PPP4R1: variants seen among roughly 807,000 people sequenced by gnomAD.
PPP4R1 encodes the protein serine/threonine-protein phosphatase 4 regulatory subunit 1.
PPP4R1 carries 42 observed loss-of-function variants against 111.2 expected under a neutral mutation model. That is an observed-to-expected ratio of 0.38 (90% CI 0.29 to 0.49). The LOEUF is 0.49. PPP4R1 is among the 20% of genes least tolerant of loss of function. PPP4R1 has a pLI of 0.97. For synonymous variants in PPP4R1, 409 were observed against 405.5 expected, an observed-to-expected ratio of 1.01 and a Z score of -0.10; for missense variants, 1,012 against 1,161.6, an observed-to-expected ratio of 0.87 and a Z score of 1.87.
chr18:9,606,226 GTTACAGACC>G (rs1436106461), intron 2 of PPP4R1, among the ~76,000 whole-genome samples: 2 of 152,186 alleles, frequency 1.3e-5, no homozygotes, highest in African/African-American at 4.8e-5. Flanking sequence ...GAATAAAAAT[GTTACAGACC>G]TTGGATTTTA....
chr18:9,612,172 G>A (rs899160851), intron 2 of PPP4R1, among the ~76,000 whole-genome samples: 6 of 152,230 alleles, frequency 3.9e-5, no homozygotes, highest in African/African-American at 1.4e-4. Flanking sequence ...CTGTTTACCA[G>A]GAATTGTTCC....
At position 9,583,257 on chromosome 18, in the gene PPP4R1, G is replaced by C; in HGVS notation, c.778C>G (p.Leu260Val). 2 of 1,580,592 alleles carry C rather than the reference G, an allele frequency of 1.3e-6. No individual in the cohort carries two copies. Among genetic ancestry groups the C allele is most frequent in the Non-Finnish European group, 1.7e-6 (2 of 1,159,222 alleles). Residue 260 changes from leucine (L) to valine (V), a missense_variant, in exon 9 of 20, where the codon CTT (leucine) becomes GTT (valine). Physicochemically the swap from Leu to Val is conservative, Grantham distance 32. Coordinates refer to ENST00000400556, the MANE Select transcript of PPP4R1 (RefSeq NM_001042388.3). ...EEMLLPRFFQ[L>V]CSDNVWGVRK... Reference sequence around the variant, plus strand: ...ACTCCCCATACATTATCAGAACAAAGCTGGAAAAATCTGGGCAGCTATGTG... The same window carrying C: ...ACTCCCCATACATTATCAGAACAAACCTGGAAAAATCTGGGCAGCTATGTG...
At chr18:9,549,418 G>C in intron 18 of PPP4R1, 80 bp from the exon 19 acceptor site, 2 of 1,511,164 alleles carry the variant, frequency 1.3e-6, no homozygotes, top group Admixed American at 1.9e-5. Flanking sequence ...AAATCTCTGA[G>C]TGACCACAGG....
chr18:9,581,218 G>A (rs1389121233), intron 9 of PPP4R1, among the ~76,000 whole-genome samples: 3 of 150,220 alleles, frequency 2.0e-5, no homozygotes, highest in African/African-American at 4.9e-5. Context: ...ACAGGCAACA[G>A]AAACTGATTG....
chr18:9,556,440 G>A (rs1048966456), intron 15 of PPP4R1, among the ~76,000 whole-genome samples: 6 of 151,944 alleles, frequency 3.9e-5, no homozygotes, highest in East Asian at 2.0e-4. Flanking sequence ...TGATCTGCCC[G>A]CCTCAGCCTC....
chr18:9,581,061 C>G (rs980052093), intron 9 of PPP4R1, among the ~76,000 whole-genome samples: 1 of 151,974 alleles, frequency 6.6e-6, no homozygotes, highest in African/African-American at 2.4e-5. Context: ...AGTCACTAAA[C>G]AAGCAAATAA....
chr18:9,570,394 C>T lies in PPP4R1; in HGVS notation c.1336G>A (p.Ala446Thr), dbSNP rs1315022231. ...PEVGTTSQDS[A>T]LLDQELYNSF... ...TTATACAATTCCTGATCTAAGAGAG[C>T]TGAATCTTGTGAAGTGGTGCCAACC... Residue 446 changes from alanine to threonine, a missense_variant, in exon 11 of 20, where the codon GCT becomes ACT. By Grantham distance (58) the Ala-to-Thr change is moderately conservative. Coordinates refer to ENST00000400556, the MANE Select transcript of PPP4R1 (RefSeq NM_001042388.3). The T allele has an allele frequency of 6.2e-7, 1 of 1,613,872 alleles. No individual in the cohort carries two copies. The highest frequency in any genetic ancestry group is 2.2e-5 in the East Asian group (1 of 44,880).
chr18:9,577,342 CT>C, intron 9 of PPP4R1, 151 bp from the exon 10 acceptor site: 1 of 953,808 alleles, frequency 1.0e-6, no homozygotes, highest in Non-Finnish European at 1.5e-6. Context: ...AGATTCAGAA[CT>C]TTAGCTAGGA....
At chr18:9,561,446 G>GA (rs2066675944) in intron 13 of PPP4R1, among the ~76,000 whole-genome samples, 1 of 152,038 alleles carries the variant, frequency 6.6e-6, no homozygotes, top group Admixed American at 6.6e-5. Context: ...GTGCTCACAG[G>GA]AGAGGTCACC....
chr18:9,592,551 GA>G (rs749169155), intron 4 of PPP4R1, among the ~76,000 whole-genome samples: 1 of 152,024 alleles, frequency 6.6e-6, no homozygotes, highest in Non-Finnish European at 1.5e-5. Flanking sequence ...ATTTAATCTA[GA>G]ACCTGGTATA....
intron 2 of PPP4R1, among the ~76,000 whole-genome samples, chr18:9,597,344 G>C (rs1356804214): frequency 6.6e-6 from 1 of 152,310 alleles, no homozygotes; most frequent in South Asian, 2.1e-4. Flanking sequence ...AGGAGACAGA[G>C]TTGAGAATTC....
At chr18:9,602,917 A>T (rs1347310442) in intron 2 of PPP4R1, among the ~76,000 whole-genome samples, 1 of 152,250 alleles carries the variant, frequency 6.6e-6, no homozygotes, top group Non-Finnish European at 1.5e-5. Flanking sequence ...ATCTGGATTC[A>T]AATCCCATTT....
Position 9,550,329 on chromosome 18 carries a change from C to G in PPP4R1, c.2361G>C (p.Leu787=). The G allele has an allele frequency of 6.2e-7, 1 of 1,613,550 alleles. No individual in the cohort carries two copies. The highest frequency in any genetic ancestry group is 8.5e-7 in the Non-Finnish European group (1 of 1,179,492). ...AAGAAACTTTGTCTGCACACAGATT[C>G]AGAGCAATGGGACGTAAATAGTCAT... ...DVYDYLRPIA[L]NLCADKVSSV... Residue 787 remains leucine, a synonymous_variant, in exon 17 of 20, where the codon CTG becomes CTC. Transcript: ENST00000400556.
intron 10 of PPP4R1, among the ~76,000 whole-genome samples, chr18:9,576,715 C>T (rs1315395366): frequency 6.6e-6 from 1 of 150,992 alleles, no homozygotes; most frequent in African/African-American, 2.4e-5. Context: ...CAGTGTGTAA[C>T]AATTACCCTG....
chr18:9,560,773 G>A (rs925916757), intron 13 of PPP4R1, among the ~76,000 whole-genome samples: 3 of 151,970 alleles, frequency 2.0e-5, no homozygotes, highest in Admixed American at 1.3e-4. Context: ...CAGAAGGATC[G>A]AATGCTTGAG....
At chr18:9,552,239 T>A (rs2066500704) in intron 16 of PPP4R1, among the ~76,000 whole-genome samples, 1 of 152,220 alleles carries the variant, frequency 6.6e-6, no homozygotes, top group South Asian at 2.1e-4. Context: ...TGCAACAGAC[T>A]TGGATAGACA....
chr18:9,613,572 T>G (rs1435876804), intron 2 of PPP4R1: 1 of 152,204 alleles, frequency 6.6e-6, no homozygotes. Context: ...GGCTGGGTGA[T>G]TTCTGAACAT....
intron 9 of PPP4R1, among the ~76,000 whole-genome samples, chr18:9,578,824 A>C (rs2066980395): frequency 6.6e-6 from 1 of 152,204 alleles, no homozygotes; most frequent in African/African-American, 2.4e-5. Context: ...CATTATGGAA[A>C]CATTACTTCC....
chr18:9,597,552 G>A (rs1314506821), intron 2 of PPP4R1, among the ~76,000 whole-genome samples: 3 of 152,182 alleles, frequency 2.0e-5, no homozygotes, highest in Non-Finnish European at 2.9e-5. Context: ...ACGAATCCTC[G>A]ATTATCACAA....
Sources: gnomAD v4.1 joint callset for allele counts (sites outside exome capture counted in the v4.1 genomes callset) on GRCh38, gnomAD v4.1.1 for gene constraint, MANE v1.5 for transcripts, NCBI Gene and HGNC (gene_info 2026-07-23, HGNC 2026-07-21) for gene names.